The following ARHGAP27 variants were observed in gnomAD, a reference collection of about 807,000 sequenced individuals.
ARHGAP27 encodes rho GTPase-activating protein 27.
Under a neutral mutation model 102.0 loss-of-function variants are expected in ARHGAP27, and 53 were observed. That is an observed-to-expected ratio of 0.52 (90% CI 0.42 to 0.65). ARHGAP27 has a LOEUF of 0.65. ARHGAP27 is among the 30% of genes least tolerant of loss of function. ARHGAP27 has a pLI of 0.00. For synonymous variants in ARHGAP27, 525 were observed against 542.8 expected, an observed-to-expected ratio of 0.97 and a Z score of 0.46; for missense variants, 1,117 against 1,256.2, an observed-to-expected ratio of 0.89 and a Z score of 1.68.
At chr17:45,398,780 C>T (rs60342367) in intron 12 of ARHGAP27, among the ~76,000 whole-genome samples, 141 of 151,916 alleles carry the variant, frequency 9.3e-4, no homozygotes, top group African/African-American at 3.4e-3. Context: ...TATGTTGAGA[C>T]CCCTGTCTAC....
chr17:45,428,224 C>T (rs1373235464), intron 4 of ARHGAP27, among the ~76,000 whole-genome samples: 2 of 152,242 alleles, frequency 1.3e-5, no homozygotes, highest in African/African-American at 2.4e-5. Context: ...CCGTTCCCCA[C>T]CCTGGCCACA....
chr17:45,430,785 G>A lies in ARHGAP27; in HGVS notation c.-18-488C>T, dbSNP rs1337242907. Among the ~76,000 whole-genome samples the A allele has an allele frequency of 3.3e-5, 5 of 152,028 alleles. No homozygotes were observed. Among genetic ancestry groups the A allele is most frequent in the Admixed American group, 6.5e-5 (1 of 15,276 alleles). On this transcript the variant is annotated intron_variant, in intron 3 of 19. Transcript: ENST00000685559. This position sits in a 1 kb window ranked among gnomAD's most constrained non-coding sequence, Gnocchi z 4.4. ...CAGAGAATCAGCAGAGGGTCTCGTA[G>A]CACTGCCTCCCTCCAGCAGCTTGCG...
Position 45,404,339 on chromosome 17 carries a change from G to A in ARHGAP27, c.1414-5C>T, listed in dbSNP as rs1443446908. The A allele has an allele frequency of 6.2e-7, 1 of 1,613,966 alleles. No homozygotes were observed. ...CTCATCCAGCTCTGCTGGGACCTAT[G>A]GGGGAAGACAGATAGATCCCACCAA... On this transcript the variant is annotated splice_polypyrimidine_tract_variant and splice_region_variant and intron_variant, in intron 8 of 19. Transcript: ENST00000685559.
At chr17:45,429,410 G>C in intron 4 of ARHGAP27, 5 of 1,378,400 alleles carry the variant, frequency 3.6e-6, no homozygotes, top group Non-Finnish European at 3.7e-6. Context: ...GGCTTCCAGG[G>C]AGCTTTGGAG....
chr17:45,397,077 T>G, intron 13 of ARHGAP27, 53 bp from the exon 14 acceptor site: 1 of 1,591,134 alleles, frequency 6.3e-7, no homozygotes, highest in Non-Finnish European at 8.5e-7. Context: ...TGCGGGTCCT[T>G]CCAGGATGGG....
intron 4 of ARHGAP27, among the ~76,000 whole-genome samples, chr17:45,415,119 T>C (rs546135388): frequency 4.0e-5 from 6 of 151,668 alleles, no homozygotes; most frequent in Non-Finnish European, 8.8e-5. Flanking sequence ...CATCTCCTTT[T>C]AACAACTAAT....
intron 3 of ARHGAP27, among the ~76,000 whole-genome samples, chr17:45,431,051 A>G (rs1008564677): frequency 3.0e-4 from 37 of 123,610 alleles, no homozygotes; most frequent in Non-Finnish European, 1.3e-4. Flanking sequence ...TCCAGCTCTC[A>G]CGCCGCCCCC....
chr17:45,395,911 C>G (rs573386858), intron 18 of ARHGAP27, 62 bp from the exon 19 acceptor site: 1 of 1,561,948 alleles, frequency 6.4e-7, no homozygotes. Context: ...ATCGGCTGGG[C>G]GAGGGGAGCC....
At chr17:45,432,636 AC>A (rs1300391516) in intron 1 of ARHGAP27, 115 bp downstream of exon 1, 1 of 149,666 alleles carries the variant, frequency 6.7e-6, no homozygotes, top group East Asian at 2.0e-4. Context: ...CCGGGTGCGG[AC>A]CCGCCACCTG....
intron 4 of ARHGAP27, among the ~76,000 whole-genome samples, chr17:45,419,553 T>TATATACAC (rs2048837495): frequency 1.9e-5 from 2 of 105,588 alleles, no homozygotes; most frequent in Non-Finnish European, 4.1e-5. Context: ...TATATATATA[T>TATATACAC]ATATGACTTT....
chr17:45,417,324 C>T (rs535927103), intron 4 of ARHGAP27, among the ~76,000 whole-genome samples: 5 of 151,862 alleles, frequency 3.3e-5, no homozygotes, highest in Admixed American at 3.3e-4. Context: ...ATTAGTGGGG[C>T]ATGGTGGCAT....
intron 12 of ARHGAP27, among the ~76,000 whole-genome samples, chr17:45,398,691 G>A (rs901601348): frequency 1.3e-5 from 2 of 151,136 alleles, no homozygotes; most frequent in Non-Finnish European, 2.9e-5. Context: ...CCGAGATCAT[G>A]CCACTGCACT....
chr17:45,430,206 C>T lies in ARHGAP27; in HGVS notation c.74G>A (p.Arg25His), dbSNP rs765488838. The T allele has an allele frequency of 2.6e-6, 4 of 1,555,832 alleles. No homozygotes were observed. Among genetic ancestry groups the T allele is most frequent in the Admixed American group, 1.9e-5 (1 of 53,916 alleles). ...CTCATTCGGCCGGATGGCCACGCGG[C>T]GCCCGTCCTTGCCGGTGTACTCGAA... ...HPFEYTGKDG[R>H]RVAIRPNERY... Residue 25 changes from arginine to histidine, a missense_variant, in exon 4 of 20, where the codon CGC becomes CAC. Arg to His is a conservative substitution (Grantham distance 29, BLOSUM62 0). This residue lies in a region of ARHGAP27 where 610 missense variants were observed against 716.4 expected (regional missense o/e 0.85). Coordinates refer to ENST00000685559, the MANE Select transcript of ARHGAP27 (RefSeq NM_001282290.2). The surrounding 1 kb of genome is among the most constrained non-coding windows in gnomAD (Gnocchi z 4.4).
Position 45,404,992 on chromosome 17 carries a change from G to T in ARHGAP27, c.1180C>A (p.Pro394Thr), listed in dbSNP as rs1218853453. The T allele has an allele frequency of 1.9e-6, 3 of 1,614,018 alleles. No individual in the cohort carries two copies. The highest frequency in any genetic ancestry group is 2.5e-6 in the Non-Finnish European group (3 of 1,180,004). The change falls in exon 6 of 20, where the codon CCC (proline) becomes ACC (threonine). Residue 394 changes from proline (P) to threonine (T), a missense_variant. Around this residue, in one of 3 missense-constraint regions of ARHGAP27, gnomAD observed 610 missense variants for 716.4 expected, o/e 0.85. Transcript: ENST00000685559. The stretch of plus-strand genomic sequence containing the variant: ...TGGCTGACATGACAAGACCAGCCGG[G>T]GGGTGTGGTCAAGGGAGAGGTAGGG... ...PGPTSPLTTP[P>T]GWSCHVSQDK...
At chr17:45,419,635 A>G (rs113452727) in intron 4 of ARHGAP27, among the ~76,000 whole-genome samples, 3 of 150,650 alleles carry the variant, frequency 2.0e-5, no homozygotes. Flanking sequence ...GTATATTTTA[A>G]GAAAACTTGT....
At chr17:45,419,512 GTATATATATATATATATA>G (rs71136087) in intron 4 of ARHGAP27, among the ~76,000 whole-genome samples, 24,300 of 119,752 alleles carry the variant, frequency 0.2, 2,872 homozygotes, top group East Asian at 0.36. Context: ...TATGCTGTAT[GTATATATATATATATATA>G]TATATATATA....
At position 45,429,682 on chromosome 17, in the gene ARHGAP27, T is replaced by C. The variant is rs1273718672; in HGVS notation, c.598A>G (p.Asn200Asp). The C allele has an allele frequency of 6.4e-7, 1 of 1,574,116 alleles. No homozygotes were observed. Residue 200 changes from asparagine to aspartate, a missense_variant, in exon 4 of 20, where the codon AAC becomes GAC. Around this residue, in one of 3 missense-constraint regions of ARHGAP27, gnomAD observed 610 missense variants for 716.4 expected, o/e 0.85. Coordinates refer to ENST00000685559, the MANE Select transcript of ARHGAP27 (RefSeq NM_001282290.2). ...PRPLARSDSE[N>D]VYEVIQDLHV... The stretch of plus-strand genomic sequence containing the variant: ...AAGTCCTGGATGACCTCGTAGACGT[T>C]CTCTGAGTCGCTGCGCGCCAGAGGC...
At chr17:45,395,887 G>A (rs1453859775) in intron 18 of ARHGAP27, 38 bp from the exon 19 acceptor site, 6 of 1,581,062 alleles carry the variant, frequency 3.8e-6, no homozygotes, top group Admixed American at 3.6e-5. Flanking sequence ...GAGTCGGAAC[G>A]GGAGGTAGGG....
Position 45,430,207 on chromosome 17 carries a change from G to A in ARHGAP27, c.73C>T (p.Arg25Cys), listed in dbSNP as rs1162867782. Reference protein sequence around the residue: ...HPFEYTGKDGRRVAIRPNERY... With the variant: ...HPFEYTGKDGCRVAIRPNERY... ...TCATTCGGCCGGATGGCCACGCGGC[G>A]CCCGTCCTTGCCGGTGTACTCGAAG... Residue 25 changes from arginine to cysteine, a missense_variant, in exon 4 of 20, where the codon CGC (arginine) becomes TGC (cysteine). By Grantham distance (180) the Arg-to-Cys change is radical. Around this residue, in one of 3 missense-constraint regions of ARHGAP27, gnomAD observed 610 missense variants for 716.4 expected, o/e 0.85. Coordinates refer to ENST00000685559, the MANE Select transcript of ARHGAP27 (RefSeq NM_001282290.2). This position sits in a 1 kb window ranked among gnomAD's most constrained non-coding sequence, Gnocchi z 4.4. 6.4e-7 allele frequency: 1 copy of A among 1,556,760 alleles called. No individual in the cohort carries two copies. The highest frequency in any genetic ancestry group is 8.6e-7 in the Non-Finnish European group (1 of 1,159,142).
Sources: allele counts gnomAD v4.1 joint callset (sites outside exome capture counted in the v4.1 genomes callset), GRCh38; gene constraint gnomAD v4.1.1; regional missense constraint gnomAD v4.1.1; non-coding constraint Gnocchi (gnomAD v3.1); transcripts MANE v1.5; gene names NCBI Gene and HGNC (gene_info 2026-07-23, HGNC 2026-07-21).